The following RAP1GDS1 variants were observed in gnomAD, a reference collection of about 807,000 sequenced individuals.
The protein encoded by RAP1GDS1 is Rap1 GTPase-GDP dissociation stimulator 1.
RAP1GDS1 carries 35 observed loss-of-function variants against 71.1 expected under a neutral mutation model. The observed-to-expected ratio is 0.49, with a 90% CI of 0.38 to 0.65. The LOEUF (loss-of-function observed/expected upper bound fraction) is 0.65. Ranked by LOEUF, RAP1GDS1 falls within the 30% of genes least tolerant of loss-of-function variation. The probability of loss-of-function intolerance (pLI) is 0.00; values close to 1 mark genes in which losing one functional copy is unlikely to be tolerated. For synonymous variants in RAP1GDS1, 229 were observed against 243.1 expected (o/e 0.94, Z 0.54); for missense variants, 663 against 706.1 (o/e 0.94, Z 0.69).
At chr4:98,367,905 C>T (rs1360425780) in intron 4 of RAP1GDS1, among the ~76,000 whole-genome samples, 1 of 152,052 alleles carries the variant, frequency 6.6e-6, no homozygotes, top group East Asian at 1.9e-4. Flanking sequence ...AGACTTTGGA[C>T]TGTGGACTTT....
rs1393936688 is a variant in RAP1GDS1 at position 98,329,208 on chromosome 4, CAAAT to C, written c.113-13928_113-13925del. ...ATAATTTTTGAATTGGGGGGGCAGT[CAAAT>C]AAGGAGAAAATGCAACTATTTCTAC... is the stretch of plus-strand genomic sequence containing the variant. On this transcript the variant is annotated intron_variant, in intron 2 of 14. Transcript: ENST00000408927. Among the ~76,000 whole-genome samples the C allele has an allele frequency of 3.3e-5, 5 of 152,126 alleles. No individual in the cohort carries two copies. The East Asian group carries it at 9.6e-4, about 29-fold the overall frequency.
chr4:98,323,987 CT>C (rs2110347791), intron 2 of RAP1GDS1, among the ~76,000 whole-genome samples: 2 of 149,146 alleles, frequency 1.3e-5, no homozygotes, highest in South Asian at 2.2e-4. Context: ...CAAATTGTCC[CT>C]GTTTGCAGAC....
intron 14 of RAP1GDS1, among the ~76,000 whole-genome samples, chr4:98,438,588 A>ATATATTTT (rs1214035409): frequency 1.2e-5 from 1 of 86,938 alleles, no homozygotes; most frequent in African/African-American, 7.6e-5. Context: ...ATATATATAT[A>ATATATTTT]TCTTTTTTTT....
At chr4:98,267,280 T>G (rs985766485) in intron 1 of RAP1GDS1, among the ~76,000 whole-genome samples, 2 of 152,162 alleles carry the variant, frequency 1.3e-5, no homozygotes, top group Non-Finnish European at 2.9e-5. Flanking sequence ...GGAAAGAGTT[T>G]GAGGAGGATT....
intron 13 of RAP1GDS1, among the ~76,000 whole-genome samples, chr4:98,436,425 T>C (rs1751146875): frequency 6.6e-6 from 1 of 152,214 alleles, no homozygotes; most frequent in South Asian, 2.1e-4. Context: ...CCTGTGGCTT[T>C]CCATGTAAGT....
At chr4:98,356,083 ACT>A (rs1448993320) in intron 4 of RAP1GDS1, among the ~76,000 whole-genome samples, 1 of 152,084 alleles carries the variant, frequency 6.6e-6, no homozygotes, top group Non-Finnish European at 1.5e-5. Flanking sequence ...TGCCAAAATA[ACT>A]CTTTTTATGA....
Position 98,379,129 on chromosome 4 carries a change from T to C in RAP1GDS1, c.474T>C (p.Phe158=). 6.2e-7 allele frequency: 1 copy of C among 1,608,728 alleles called. No individual in the cohort carries two copies. Among genetic ancestry groups the C allele is most frequent in the Non-Finnish European group, 8.5e-7 (1 of 1,177,542 alleles). The change falls in exon 5 of 15, where the codon TTT becomes TTC. Residue 158 remains phenylalanine, a synonymous_variant. Coordinates refer to ENST00000408927, the MANE Select transcript of RAP1GDS1 (RefSeq NM_001100427.2). ...CCAATGAGAAGCTCTTGACTGTCTTTTGTGGCATGCTGATGAACTATAGCA... is the reference window on the plus strand; with the variant it reads ...CCAATGAGAAGCTCTTGACTGTCTTCTGTGGCATGCTGATGAACTATAGCA... ...DPANEKLLTV[F]CGMLMNYSNE...
chr4:98,330,689 C>T (rs1733850423), intron 2 of RAP1GDS1, among the ~76,000 whole-genome samples: 1 of 151,514 alleles, frequency 6.6e-6, no homozygotes, highest in African/African-American at 2.4e-5. Context: ...GCGCTCCTCA[C>T]TTCCCAGACT....
chr4:98,370,561 A>G (rs1349928810), intron 4 of RAP1GDS1, among the ~76,000 whole-genome samples: 1 of 148,564 alleles, frequency 6.7e-6, no homozygotes, highest in African/African-American at 2.5e-5. Flanking sequence ...AAAAAATTGC[A>G]TTAAAGCTTT....
intron 2 of RAP1GDS1, among the ~76,000 whole-genome samples, chr4:98,322,775 G>A (rs925921470): frequency 6.0e-5 from 8 of 132,474 alleles, no homozygotes; most frequent in Non-Finnish European, 1.1e-4. Flanking sequence ...AAAGCAGTGT[G>A]TAGAGGGAAA....
At chr4:98,333,543 T>C (rs1298359968) in intron 2 of RAP1GDS1, among the ~76,000 whole-genome samples, 1 of 152,088 alleles carries the variant, frequency 6.6e-6, no homozygotes, top group African/African-American at 2.4e-5. Context: ...TTTAATGTTT[T>C]TTAAGAATCT....
chr4:98,272,792 T>C (rs990114958), intron 1 of RAP1GDS1, among the ~76,000 whole-genome samples: 1 of 152,114 alleles, frequency 6.6e-6, no homozygotes. Context: ...AAAATCCACT[T>C]TTCAGTTGCC....
intron 12 of RAP1GDS1, among the ~76,000 whole-genome samples, chr4:98,429,651 A>T (rs1750121537): frequency 6.6e-6 from 1 of 152,064 alleles, no homozygotes; most frequent in Non-Finnish European, 1.5e-5. Flanking sequence ...TATGGAAATA[A>T]TTTTTTTTAA....
chr4:98,303,049 T>TAAA (rs536421624), intron 2 of RAP1GDS1, among the ~76,000 whole-genome samples: 4 of 105,134 alleles, frequency 3.8e-5, no homozygotes, highest in Admixed American at 9.4e-5. Context: ...CAGTCTCAAA[T>TAAA]AAAAAAAAAA....
At chr4:98,384,468 G>A (rs1324540188) in intron 5 of RAP1GDS1, among the ~76,000 whole-genome samples, 1 of 151,670 alleles carries the variant, frequency 6.6e-6, no homozygotes, top group African/African-American at 2.4e-5. Context: ...TCTACCACAA[G>A]TGTTATTTTA....
At chr4:98,313,061 T>C in intron 2 of RAP1GDS1, among the ~76,000 whole-genome samples, 1 of 100,490 alleles carries the variant, frequency 1.0e-5, no homozygotes, top group Non-Finnish European at 1.8e-5. Flanking sequence ...AGAGCAAGAC[T>C]CTGTCTCAAA....
rs559518299 is a variant in RAP1GDS1, at chr4:98,422,212, A to G, written c.1440+818A>G. 1.4e-4 allele frequency among the ~76,000 whole-genome samples: 22 copies of G among 152,014 alleles called. No individual in the cohort carries two copies. The South Asian group carries it at 4.2e-3, about 29-fold the overall frequency. On this transcript the variant is annotated intron_variant, in intron 12 of 14. Coordinates refer to ENST00000408927, the MANE Select transcript of RAP1GDS1 (RefSeq NM_001100427.2). ...AAGACTCCGTCTCAAAATAAAATAAAATACTGTTTTCTTTTTCTTTTTTGA... is the reference window on the plus strand; with the variant it reads ...AAGACTCCGTCTCAAAATAAAATAAGATACTGTTTTCTTTTTCTTTTTTGA...
intron 5 of RAP1GDS1, among the ~76,000 whole-genome samples, chr4:98,385,077 C>T (rs1283108963): frequency 6.6e-6 from 1 of 151,586 alleles, no homozygotes; most frequent in Non-Finnish European, 1.5e-5. Flanking sequence ...AGATTTTTCT[C>T]ATTGTGAAAA....
intron 14 of RAP1GDS1, among the ~76,000 whole-genome samples, chr4:98,440,954 A>G (rs969821091): frequency 6.6e-6 from 1 of 152,154 alleles, no homozygotes; most frequent in Non-Finnish European, 1.5e-5. Context: ...TGGCCTCCCA[A>G]AGTGCTGGGA....
Sources: gnomAD v4.1 joint callset for allele counts (sites outside exome capture counted in the v4.1 genomes callset) on GRCh38, gnomAD v4.1.1 for gene constraint, MANE v1.5 for transcripts, NCBI Gene and HGNC (gene_info 2026-07-23, HGNC 2026-07-21) for gene names.